Variants in TMEM108 observed in about 807,000 individuals in gnomAD.
The protein encoded by TMEM108 is cancer/testis antigen 124.
TMEM108 carries 12 observed loss-of-function variants against 35.1 expected under a neutral mutation model. That is an observed-to-expected ratio of 0.34 (90% CI 0.22 to 0.55). TMEM108 has a LOEUF of 0.55. Ranked by LOEUF, TMEM108 falls within the 20% of genes least tolerant of loss-of-function variation. The pLI is 0.89. For missense variants in TMEM108, 680 were observed against 753.3 expected, an observed-to-expected ratio of 0.90 and a Z score of 1.14; for synonymous variants, 287 against 308.6, an observed-to-expected ratio of 0.93 and a Z score of 0.73.
chr3:133,200,885 T>G (rs1455421829), intron 2 of TMEM108, among the ~76,000 whole-genome samples: 1 of 152,240 alleles, frequency 6.6e-6, no homozygotes, highest in Non-Finnish European at 1.5e-5. Context: ...ATGTTTGTTT[T>G]AAATGCTTAG....
intron 2 of TMEM108, chr3:133,192,828 G>A (rs1945519411): frequency 6.6e-6 from 1 of 152,376 alleles, no homozygotes; most frequent in South Asian, 2.1e-4. Context: ...GCAAGAAAAG[G>A]TGAGATCGGG....
rs866087243 is a variant in TMEM108 at position 133,070,640 on chromosome 3, C to T, written c.-47+24620C>T. Among the ~76,000 whole-genome samples, 7 of 152,226 alleles carry T rather than the reference C, an allele frequency of 4.6e-5. 1 individual carries two copies. The Middle Eastern group carries it at 0.017, about 370-fold the overall frequency. On this transcript the variant is annotated intron_variant, in intron 2 of 5. Transcript: ENST00000321871. The stretch of plus-strand genomic sequence containing the variant: ...TTTCATTTCATACCAAGGACTCATT[C>T]TTTGTAACAAAGCAATGTCCCTGTC...
rs1370553130 is a variant in TMEM108, at chr3:133,380,625, G to A, written c.914G>A (p.Gly305Asp). The stretch of plus-strand genomic sequence containing the variant: ...ACACCAGATGCCACAGCAGCCTCAG[G>A]TGCCCCTGTCAGTCCACAAGCTGCC... The part of the protein sequence containing the change: ...GGTPDATAAS[G>D]APVSPQAAPV... Residue 305 changes from glycine (G) to aspartate (D), a missense_variant, in exon 4 of 6, where the codon GGT becomes GAT. Around this residue, in one of 3 missense-constraint regions of TMEM108, gnomAD observed 526 missense variants for 532.1 expected, o/e 0.99. Coordinates refer to ENST00000321871, the MANE Select transcript of TMEM108 (RefSeq NM_023943.4). The surrounding 1 kb of genome is among the most constrained non-coding windows in gnomAD (Gnocchi z 5.3). 12 of 1,613,690 alleles carry A rather than the reference G, an allele frequency of 7.4e-6. No individual in the cohort carries two copies. Among genetic ancestry groups the A allele is most frequent in the Non-Finnish European group, 6.8e-6 (8 of 1,179,836 alleles).
intron 2 of TMEM108, among the ~76,000 whole-genome samples, chr3:133,187,736 C>A (rs930095162): frequency 2.0e-5 from 3 of 151,914 alleles, no homozygotes; most frequent in Non-Finnish European, 4.4e-5. Context: ...GGCATCACAT[C>A]GAGACTCTGT....
At chr3:133,109,130 G>A (rs1311712523) in intron 2 of TMEM108, among the ~76,000 whole-genome samples, 2 of 152,154 alleles carry the variant, frequency 1.3e-5, no homozygotes, top group East Asian at 3.9e-4. Flanking sequence ...AAGAATAGTA[G>A]GTTGGAGAGT....
chr3:133,212,059 A>C (rs532704511), intron 2 of TMEM108, among the ~76,000 whole-genome samples: 51 of 152,282 alleles, frequency 3.3e-4, no homozygotes, highest in Non-Finnish European at 6.9e-4. Flanking sequence ...GAGGACTTGC[A>C]GAATGCAGGG....
At chr3:133,120,003 A>G (rs968339809) in intron 2 of TMEM108, among the ~76,000 whole-genome samples, 4 of 152,234 alleles carry the variant, frequency 2.6e-5, no homozygotes, top group Admixed American at 1.3e-4. Context: ...TAAGAAACCA[A>G]CTAGGGAGGA....
intron 2 of TMEM108, among the ~76,000 whole-genome samples, chr3:133,127,479 T>C (rs1424750378): frequency 6.6e-6 from 1 of 151,890 alleles, no homozygotes; most frequent in Non-Finnish European, 1.5e-5. Context: ...AGACAAAGAG[T>C]TGATGTTCTT....
chr3:133,065,607 G>C (rs75121788), intron 2 of TMEM108, among the ~76,000 whole-genome samples: 3,352 of 152,120 alleles, frequency 0.022, 131 homozygotes, highest in African/African-American at 0.076. Context: ...TTAATTAATA[G>C]CTTCTCAACC....
At position 133,175,308 on chromosome 3, in the gene TMEM108, T is replaced by A. The variant is rs552783827; in HGVS notation, c.-46-53958T>A. ...CTAGCAAGGCAGGCCAACATTCAAT[T>A]TCAGGAAATACAGAGAATACCACAA... On this transcript the variant is annotated intron_variant, in intron 2 of 5. Coordinates refer to ENST00000321871, the MANE Select transcript of TMEM108 (RefSeq NM_023943.4). Among the ~76,000 whole-genome samples the A allele has an allele frequency of 6.6e-5, 10 of 152,202 alleles. No homozygotes were observed. In the East Asian group the frequency reaches 1.9e-3, roughly 29 times the overall value.
intron 2 of TMEM108, among the ~76,000 whole-genome samples, chr3:133,066,544 G>A (rs890925631): frequency 2.0e-5 from 3 of 151,964 alleles, no homozygotes; most frequent in Non-Finnish European, 4.4e-5. Flanking sequence ...TGAAGCGTTG[G>A]GCATCCTAGA....
At chr3:133,266,800 T>C (rs1849504) in intron 3 of TMEM108, among the ~76,000 whole-genome samples, 144,948 of 151,742 alleles carry the variant, frequency 0.96, 69,530 homozygotes, top group East Asian at 1. Flanking sequence ...TGGCCGGGCG[T>C]GGTGGCTCAT....
intron 3 of TMEM108, among the ~76,000 whole-genome samples, chr3:133,319,937 G>A (rs111295147): frequency 2.0e-5 from 3 of 152,286 alleles, no homozygotes; most frequent in African/African-American, 7.2e-5. Flanking sequence ...CTACCCAGAT[G>A]AGAAGGAATC....
Position 133,048,215 on chromosome 3 carries a change from A to G in TMEM108, c.-47+2195A>G, listed in dbSNP as rs546313780. ...AGTGACTCATGTATAATTAGACCAA[A>G]GGACATAAAGAAATAGCCTCCAAAG... On this transcript the variant is annotated intron_variant, in intron 2 of 5. Transcript: ENST00000321871. 2.6e-5 allele frequency among the ~76,000 whole-genome samples: 4 copies of G among 152,342 alleles called. No homozygotes were observed. The East Asian group carries it at 7.7e-4, about 29-fold the overall frequency.
chr3:133,060,007 C>T (rs1323066495), intron 2 of TMEM108, among the ~76,000 whole-genome samples: 3 of 152,192 alleles, frequency 2.0e-5, no homozygotes, highest in Non-Finnish European at 1.5e-5. Context: ...CATTTAAGCA[C>T]ATCGTAGAGG....
intron 2 of TMEM108, among the ~76,000 whole-genome samples, chr3:133,151,296 C>A (rs538984355): frequency 2.6e-5 from 4 of 152,234 alleles, no homozygotes; most frequent in South Asian, 4.1e-4. Context: ...GCCCCTAACC[C>A]AGTTTATGGC....
At chr3:133,158,266 G>A (rs1352993780) in intron 2 of TMEM108, among the ~76,000 whole-genome samples, 16 of 151,664 alleles carry the variant, frequency 1.1e-4, no homozygotes, top group Admixed American at 9.2e-4. Flanking sequence ...TCAAGAAATC[G>A]AGACCATCCC....
intron 3 of TMEM108, among the ~76,000 whole-genome samples, chr3:133,320,529 A>T (rs2071253785): frequency 6.6e-6 from 1 of 152,226 alleles, no homozygotes; most frequent in African/African-American, 2.4e-5. Context: ...TATGTTACAT[A>T]CACAAATGTA....
intron 3 of TMEM108, among the ~76,000 whole-genome samples, chr3:133,324,695 T>C (rs1314413818): frequency 6.6e-6 from 1 of 152,156 alleles, no homozygotes; most frequent in East Asian, 1.9e-4. Flanking sequence ...AAGAAGTCAG[T>C]GGCTGAACGC....
Sources: gnomAD v4.1 joint callset for allele counts (sites outside exome capture counted in the v4.1 genomes callset) on GRCh38, gnomAD v4.1.1 for gene constraint, gnomAD v4.1.1 regional missense constraint, Gnocchi (gnomAD v3.1) non-coding constraint, MANE v1.5 for transcripts, NCBI Gene and HGNC (gene_info 2026-07-23, HGNC 2026-07-21) for gene names.